The following RYR3 variants were observed in gnomAD, a reference collection of about 807,000 sequenced individuals.
RYR3 encodes brain ryanodine receptor-calcium release channel.
A neutral mutation model predicts 584.3 loss-of-function variants in RYR3; 207 were observed. The ratio of observed to expected loss-of-function variants is 0.35; its 90% confidence interval spans 0.32 to 0.40. The LOEUF (loss-of-function observed/expected upper bound fraction) is 0.40. Ranked by LOEUF, RYR3 falls within the 10% of genes least tolerant of loss-of-function variation. RYR3 has a pLI of 1.00. For synonymous variants in RYR3, 2,416 were observed against 2,248.5 expected (o/e 1.07, Z -2.11); for missense variants, 5,616 against 6,089.2 (o/e 0.92, Z 2.59).
chr15:33,700,222 C>G (rs370061918), intron 41 of RYR3, among the ~76,000 whole-genome samples: 210 of 152,328 alleles, frequency 1.4e-3, no homozygotes, highest in African/African-American at 4.8e-3. Context: ...TGGATCGGAT[C>G]TCGTCTTGGC....
intron 1 of RYR3, among the ~76,000 whole-genome samples, chr15:33,317,643 A>G (rs762648694): frequency 4.6e-5 from 7 of 152,164 alleles, no homozygotes; most frequent in Non-Finnish European, 1.0e-4. Flanking sequence ...AGATGCCAAG[A>G]TTATTTTTTT....
chr15:33,801,818 GT>G, intron 68 of RYR3, 50 bp from the exon 69 acceptor site: 4 of 976,950 alleles, frequency 4.1e-6, no homozygotes, highest in Non-Finnish European at 6.3e-6. Context: ...CTTATTTTTG[GT>G]TTACAGAACT....
chr15:33,398,972 G>A (rs1055780134), intron 1 of RYR3, among the ~76,000 whole-genome samples: 2 of 152,144 alleles, frequency 1.3e-5, no homozygotes, highest in African/African-American at 4.8e-5. Context: ...TCTCTAGGTT[G>A]AATGTTTTGT....
At chr15:33,523,134 GA>G (rs2054129085) in intron 3 of RYR3, among the ~76,000 whole-genome samples, 1 of 152,044 alleles carries the variant, frequency 6.6e-6, no homozygotes, top group Non-Finnish European at 1.5e-5. Context: ...CTAGCTAAAG[GA>G]TTGTAAACAC....
intron 2 of RYR3, among the ~76,000 whole-genome samples, chr15:33,494,656 T>TC (rs1198935270): frequency 3.1e-5 from 4 of 127,246 alleles, no homozygotes; most frequent in Non-Finnish European, 7.6e-5. Flanking sequence ...CCTCCCCACC[T>TC]CCCAGAAAAA....
rs542365837 is a variant in RYR3, at chr15:33,640,898, C to G, written c.3557-3413C>G. Among the ~76,000 whole-genome samples, 11 of 152,264 alleles carry G rather than the reference C, an allele frequency of 7.2e-5. No individual in the cohort carries two copies. The South Asian group carries it at 2.1e-3, about 29-fold the overall frequency. On this transcript the variant is annotated intron_variant, in intron 27 of 103. Transcript: ENST00000634891. ...TTATTATATTTTCTTCTTCTCCAAT[C>G]TCATTTGAGGCTATGGGTTCATTAA...
chr15:33,820,025 G>A (rs1219310717), intron 77 of RYR3, among the ~76,000 whole-genome samples: 3 of 152,182 alleles, frequency 2.0e-5, no homozygotes, highest in African/African-American at 7.2e-5. Flanking sequence ...AATGGGTGCT[G>A]GTGGATAGGT....
rs753120533 is a variant in RYR3, at chr15:33,820,736, C to A, written c.10759-20C>A. 1 of 1,597,818 alleles carries A rather than the reference C, an allele frequency of 6.3e-7. No homozygotes were observed. Among genetic ancestry groups the A allele is most frequent in the Non-Finnish European group, 8.5e-7 (1 of 1,170,692 alleles). ...AATTTGATTGTCTGTCTTCTCCCTTCCCTGCTCCATGAAATCCAGAGTTGT... is the reference window on the plus strand; with the variant it reads ...AATTTGATTGTCTGTCTTCTCCCTTACCTGCTCCATGAAATCCAGAGTTGT... On this transcript the variant is annotated intron_variant, in intron 77 of 103. Transcript: ENST00000634891.
At chr15:33,492,967 C>T (rs2051100107) in intron 2 of RYR3, among the ~76,000 whole-genome samples, 2 of 152,132 alleles carry the variant, frequency 1.3e-5, no homozygotes, top group African/African-American at 4.8e-5. Flanking sequence ...TTTGTAAATT[C>T]TGTAGCAACT....
At chr15:33,752,045 T>C (rs2152852759) in intron 57 of RYR3, among the ~76,000 whole-genome samples, 1 of 152,314 alleles carries the variant, frequency 6.6e-6, no homozygotes, top group African/African-American at 2.4e-5. Flanking sequence ...GTTGTAGATA[T>C]GCGGCGTTAT....
At position 33,550,250 on chromosome 15, in the gene RYR3, C is replaced by T. The variant is rs1239872552; in HGVS notation, c.906C>T (p.Gly302=). The T allele has an allele frequency of 1.2e-6, 2 of 1,613,738 alleles. No homozygotes were observed. Among genetic ancestry groups the T allele is most frequent in the East Asian group, 2.2e-5 (1 of 44,856 alleles). ...ACCTGGCCTTGACAGAAGACCAAGG[C>T]CTTATACTGCAAGACCGGGCAAAGT... is the stretch of plus-strand genomic sequence containing the variant. ...GHYLALTEDQ[G]LILQDRAKSD... The change falls in exon 10 of 104, where the codon GGC becomes GGT. Residue 302 remains glycine, a synonymous_variant. Transcript: ENST00000634891.
At chr15:33,755,323 TA>T (rs1477853599) in intron 58 of RYR3, 143 bp downstream of exon 58, 7 of 642,634 alleles carry the variant, frequency 1.1e-5, no homozygotes, top group Admixed American at 2.6e-5. Context: ...TCCCCCAACT[TA>T]AAAAAAATCA....
rs2061701682 is a variant in RYR3 at position 33,639,907 on chromosome 15, C to G, written c.3556+3357C>G. 2.6e-5 allele frequency among the ~76,000 whole-genome samples: 4 copies of G among 152,292 alleles called. No individual in the cohort carries two copies. The South Asian group carries it at 8.3e-4, about 32-fold the overall frequency. On this transcript the variant is annotated intron_variant, in intron 27 of 103. Coordinates refer to ENST00000634891, the MANE Select transcript of RYR3 (RefSeq NM_001036.6). ...AGCTCAGAAGCCTCCAAGGCAAACCCTTTGCTATTAGCCTTCTCTTTTCCT... is the reference window on the plus strand; with the variant it reads ...AGCTCAGAAGCCTCCAAGGCAAACCGTTTGCTATTAGCCTTCTCTTTTCCT...
chr15:33,325,754 C>T (rs867110703), intron 1 of RYR3, among the ~76,000 whole-genome samples: 4 of 110,524 alleles, frequency 3.6e-5, no homozygotes, highest in African/African-American at 1.1e-4. Context: ...TCCTTCCTTC[C>T]TTCCTTCCTT....
At chr15:33,323,165 G>A (rs1385365910) in intron 1 of RYR3, among the ~76,000 whole-genome samples, 2 of 151,988 alleles carry the variant, frequency 1.3e-5, no homozygotes, top group Non-Finnish European at 2.9e-5. Flanking sequence ...AGGCTGGAGT[G>A]CAGTGGCACG....
chr15:33,722,148 C>T (rs562240290), intron 43 of RYR3, among the ~76,000 whole-genome samples: 74 of 152,224 alleles, frequency 4.9e-4, no homozygotes, highest in Middle Eastern at 3.4e-3. Context: ...CTTCCCCAAA[C>T]GTTAATTGAA....
intron 7 of RYR3, 38 bp from the exon 8 acceptor site, chr15:33,543,584 C>A: frequency 7.7e-7 from 1 of 1,305,344 alleles, no homozygotes; most frequent in Non-Finnish European, 1.1e-6. Flanking sequence ...CTTCATTAAA[C>A]TTCCCATCAT....
chr15:33,760,743 A>G (rs990113967), intron 60 of RYR3, among the ~76,000 whole-genome samples: 2 of 152,246 alleles, frequency 1.3e-5, no homozygotes, highest in African/African-American at 4.8e-5. Flanking sequence ...CTCTGGATCA[A>G]GCGGACTTAA....
intron 1 of RYR3, among the ~76,000 whole-genome samples, chr15:33,408,571 T>C (rs922032942): frequency 2.0e-5 from 3 of 152,220 alleles, no homozygotes; most frequent in Non-Finnish European, 4.4e-5. Flanking sequence ...TGAGAAATCT[T>C]TAAACTGCTT....
Sources: allele counts gnomAD v4.1 joint callset (sites outside exome capture counted in the v4.1 genomes callset), GRCh38; gene constraint gnomAD v4.1.1; transcripts MANE v1.5; gene names NCBI Gene and HGNC (gene_info 2026-07-23, HGNC 2026-07-21).